The following SSBP2 variants were observed in gnomAD, a reference collection of about 807,000 sequenced individuals.
SSBP2 encodes the protein single-stranded DNA-binding protein 2.
SSBP2 carries 17 observed loss-of-function variants against 61.8 expected under a neutral mutation model. The ratio of observed to expected loss-of-function variants is 0.28; its 90% CI spans 0.19 to 0.41. SSBP2 has a LOEUF of 0.41. Ranked by LOEUF, SSBP2 falls within the 10% of genes least tolerant of loss-of-function variation. The pLI is 1.00. For synonymous variants in SSBP2, 139 were observed against 141.3 expected (o/e 0.98, Z 0.12); for missense variants, 310 against 458.7 (o/e 0.68, Z 2.96).
At position 81,541,845 on chromosome 5, in the gene SSBP2, C is replaced by T. The variant is rs116552873; in HGVS notation, c.283-28128G>A. Among the ~76,000 whole-genome samples the T allele has an allele frequency of 9.0e-3, 1,364 of 152,334 alleles. 15 individuals are homozygous for T. Among genetic ancestry groups the T allele is most frequent in the African/African-American group, 0.031 (1,271 of 41,592 alleles). ...AGAAAAAAAAGTAAGAAACACCATT[C>T]TGGACTTCGTCCATGGCAAAGAATT... On this transcript the variant is annotated intron_variant, in intron 4 of 16. Transcript: ENST00000320672.
At chr5:81,539,416 T>C (rs1480661248) in intron 4 of SSBP2, among the ~76,000 whole-genome samples, 2 of 152,176 alleles carry the variant, frequency 1.3e-5, no homozygotes, top group African/African-American at 4.8e-5. Context: ...GCTGAAACGA[T>C]TACAAAAGAT....
chr5:81,520,412 AATTT>A (rs1267139092), intron 4 of SSBP2, among the ~76,000 whole-genome samples: 1 of 152,184 alleles, frequency 6.6e-6, no homozygotes, highest in Non-Finnish European at 1.5e-5. Context: ...TAATGATTAT[AATTT>A]ATTTGCCAGT....
chr5:81,710,493 T>A (rs1754699238), intron 1 of SSBP2, among the ~76,000 whole-genome samples: 1 of 152,028 alleles, frequency 6.6e-6, no homozygotes, highest in African/African-American at 2.4e-5. Flanking sequence ...TTTAGTCACA[T>A]TTTTCTATGG....
At position 81,738,135 on chromosome 5, in the gene SSBP2, T is replaced by G. The variant is rs1031116323; in HGVS notation, c.62+12846A>C. Reference sequence around the variant, plus strand: ...CATTAGTAGCAAAAACAAGCAAAACTGATCTATGCTGTTAAAAATCAAGCA... The same window carrying G: ...CATTAGTAGCAAAAACAAGCAAAACGGATCTATGCTGTTAAAAATCAAGCA... On this transcript the variant is annotated intron_variant, in intron 1 of 16. Coordinates refer to ENST00000320672, the MANE Select transcript of SSBP2 (RefSeq NM_012446.5). Among the ~76,000 whole-genome samples, 5 of 152,286 alleles carry G rather than the reference T, an allele frequency of 3.3e-5. No individual in the cohort carries two copies. In the South Asian group the frequency reaches 1.0e-3, roughly 32 times the overall value.
rs1258914261 is a variant in SSBP2, at chr5:81,747,122, G to C, written c.62+3859C>G. ...CTTCTCCCACACCATACACAGATCT[G>C]CAAAGCATCAGGGTGCACCAGTGGT... On this transcript the variant is annotated intron_variant, in intron 1 of 16. Transcript: ENST00000320672. Among the ~76,000 whole-genome samples, 3 of 151,066 alleles carry C rather than the reference G, an allele frequency of 2.0e-5. No individual in the cohort carries two copies. In the Admixed American group the frequency reaches 2.0e-4, roughly 10 times the overall value.
At position 81,595,057 on chromosome 5, in the gene SSBP2, G is replaced by C. The variant is rs549097166; in HGVS notation, c.282+20416C>G. 5.9e-5 allele frequency among the ~76,000 whole-genome samples: 9 copies of C among 152,186 alleles called. No homozygotes were observed. In the East Asian group the frequency reaches 9.6e-4, roughly 16 times the overall value. On this transcript the variant is annotated intron_variant, in intron 4 of 16. Transcript: ENST00000320672. ...CAAAAAATTAATGAATCCAGGAGCT[G>C]GTTTTTTGAAAAGATCAACAAAATT... is the stretch of plus-strand genomic sequence containing the variant.
intron 15 of SSBP2, among the ~76,000 whole-genome samples, chr5:81,431,493 A>G (rs889494281): frequency 6.6e-6 from 1 of 152,146 alleles, no homozygotes; most frequent in Non-Finnish European, 1.5e-5. Context: ...ATGCACACAC[A>G]CATAATACAC....
chr5:81,416,305 T>C lies in SSBP2; in HGVS notation c.*4199A>G, dbSNP rs2153872166. On this transcript the variant is annotated 3_prime_UTR_variant, in exon 17 of 17. Coordinates refer to ENST00000320672, the MANE Select transcript of SSBP2 (RefSeq NM_012446.5). ...CAAAATCAAAATCAAGTGGCTATGATTTGTGGCACTCCTTCGAATTAGCAG... is the reference window on the plus strand; with the variant it reads ...CAAAATCAAAATCAAGTGGCTATGACTTGTGGCACTCCTTCGAATTAGCAG... The C allele has an allele frequency of 6.6e-6, 1 of 152,230 alleles. No individual in the cohort carries two copies. Among genetic ancestry groups the C allele is most frequent in the South Asian group, 2.1e-4 (1 of 4,804 alleles). 9.4% of individuals were successfully genotyped at this position (152,230 alleles called of 1,614,324 possible).
Position 81,474,527 on chromosome 5 carries a change from G to C in SSBP2, c.468C>G (p.Leu156=), listed in dbSNP as rs1335407578. Residue 156 remains leucine, a synonymous_variant, in exon 7 of 17, where the codon CTC becomes CTG. Coordinates refer to ENST00000320672, the MANE Select transcript of SSBP2 (RefSeq NM_012446.5). ...GTCGAGTTGGATCCATTCCACTGGG[G>C]AGTAATGGCTGACTTCCTGGGACAC... 6.2e-7 allele frequency: 1 copy of C among 1,612,182 alleles called. No individual in the cohort carries two copies. The highest frequency in any genetic ancestry group is 1.1e-5 in the South Asian group (1 of 90,956).
intron 3 of SSBP2, among the ~76,000 whole-genome samples, chr5:81,636,094 T>C (rs930391040): frequency 1.3e-5 from 2 of 152,188 alleles, no homozygotes; most frequent in Non-Finnish European, 2.9e-5. Flanking sequence ...ATGATGGGAC[T>C]AGTTCCCTTA....
chr5:81,653,123 G>C (rs1184951313), intron 1 of SSBP2, among the ~76,000 whole-genome samples: 1 of 151,922 alleles, frequency 6.6e-6, no homozygotes, highest in Non-Finnish European at 1.5e-5. Context: ...ACAGGCCCCA[G>C]TGTGTGATGT....
intron 4 of SSBP2, among the ~76,000 whole-genome samples, chr5:81,537,883 A>G (rs1281063703): frequency 1.3e-5 from 2 of 152,180 alleles, no homozygotes; most frequent in African/African-American, 4.8e-5. Context: ...AACGGCCTCT[A>G]AGTGTTCATG....
intron 1 of SSBP2, among the ~76,000 whole-genome samples, chr5:81,664,123 G>GTTTTTTTT (rs1750920625): frequency 8.3e-6 from 1 of 120,142 alleles, no homozygotes; most frequent in African/African-American, 3.5e-5. Context: ...TTTGTTTTTT[G>GTTTTTTTT]TTTTTGTTTT....
intron 1 of SSBP2, among the ~76,000 whole-genome samples, chr5:81,697,925 A>G (rs548233322): frequency 6.6e-6 from 1 of 152,332 alleles, no homozygotes; most frequent in Non-Finnish European, 1.5e-5. Context: ...ATCTGCCTCT[A>G]TGGTAAAATA....
rs148296869 is a variant in SSBP2 at position 81,463,649 on chromosome 5, G to A, written c.639-2546C>T. On this transcript the variant is annotated intron_variant, in intron 9 of 16. Transcript: ENST00000320672. ...GGAGAGGCAGAAGTTGCAGTGAGCC[G>A]AGATCATGCTACAGCACTCCAACCT... 8.5e-4 allele frequency among the ~76,000 whole-genome samples: 129 copies of A among 152,092 alleles called. 1 individual carries two copies. Among genetic ancestry groups the A allele is most frequent in the South Asian group, 2.1e-4 (1 of 4,816 alleles).
chr5:81,465,781 C>T (rs1764849704), intron 9 of SSBP2, among the ~76,000 whole-genome samples: 2 of 151,828 alleles, frequency 1.3e-5, no homozygotes, highest in Non-Finnish European at 2.9e-5. Context: ...TTTGAAGCAA[C>T]CATTAATACA....
At chr5:81,464,087 C>T (rs1764731722) in intron 9 of SSBP2, among the ~76,000 whole-genome samples, 1 of 152,028 alleles carries the variant, frequency 6.6e-6, no homozygotes, top group South Asian at 2.1e-4. Context: ...CCTCTTTCTT[C>T]TGTAATTCAC....
chr5:81,444,879 T>G (rs1182017497), intron 12 of SSBP2, among the ~76,000 whole-genome samples: 1 of 151,630 alleles, frequency 6.6e-6, no homozygotes, highest in Non-Finnish European at 1.5e-5. Flanking sequence ...TCCCAGCACT[T>G]TGGGAGGCCA....
At chr5:81,688,869 C>A (rs1753009685) in intron 1 of SSBP2, among the ~76,000 whole-genome samples, 3 of 151,994 alleles carry the variant, frequency 2.0e-5, no homozygotes, top group African/African-American at 4.8e-5. Flanking sequence ...CCTCAATAAA[C>A]AAACTAAATA....
Sources: gnomAD v4.1 joint callset for allele counts (sites outside exome capture counted in the v4.1 genomes callset) on GRCh38, gnomAD v4.1.1 for gene constraint, MANE v1.5 for transcripts, NCBI Gene and HGNC (gene_info 2026-07-23, HGNC 2026-07-21) for gene names.